The following TP63 variants were observed in gnomAD, a reference collection of about 807,000 sequenced individuals.
TP63 encodes the protein tumor protein p63, also known as tumor protein 63.
Under a neutral mutation model 82.8 loss-of-function variants are expected in TP63, and 17 were observed. The ratio of observed to expected loss-of-function variants is 0.21; its 90% CI spans 0.14 to 0.31. TP63 has a LOEUF of 0.31. TP63 is among the 10% of genes least tolerant of loss of function. TP63 has a pLI of 1.00. For synonymous variants in TP63, 330 were observed against 321.7 expected, an observed-to-expected ratio of 1.03 and a Z score of -0.28; for missense variants, 648 against 895.3, an observed-to-expected ratio of 0.72 and a Z score of 3.52.
intron 1 of TP63, among the ~76,000 whole-genome samples, chr3:189,733,480 T>C (rs988409455): frequency 1.3e-5 from 2 of 152,240 alleles, no homozygotes; most frequent in African/African-American, 2.4e-5. Flanking sequence ...GATGTTTACC[T>C]TCTAGTGCTC....
At chr3:189,791,112 G>T (rs1725093174) in intron 3 of TP63, among the ~76,000 whole-genome samples, 1 of 152,108 alleles carries the variant, frequency 6.6e-6, no homozygotes. Flanking sequence ...TTTTTAAATA[G>T]GATTAGCTTT....
chr3:189,784,213 T>TATC (rs1724429776), intron 3 of TP63, among the ~76,000 whole-genome samples: 1 of 152,100 alleles, frequency 6.6e-6, no homozygotes, highest in Non-Finnish European at 1.5e-5. Context: ...TACCTTTGTA[T>TATC]ATCTATTTAC....
chr3:189,756,776 A>G (rs948882605), intron 3 of TP63, among the ~76,000 whole-genome samples: 2 of 152,166 alleles, frequency 1.3e-5, no homozygotes, highest in Non-Finnish European at 2.9e-5. Flanking sequence ...TGATAGCCCC[A>G]GGGAAATAGT....
intron 4 of TP63, among the ~76,000 whole-genome samples, chr3:189,815,955 A>G (rs1021019086): frequency 1.3e-5 from 2 of 152,140 alleles, no homozygotes; most frequent in Admixed American, 6.5e-5. Context: ...TCATTTTTAT[A>G]TCATTTTATA....
At chr3:189,893,883 G>A (rs1331029946) in intron 13 of TP63, among the ~76,000 whole-genome samples, 1 of 152,016 alleles carries the variant, frequency 6.6e-6, no homozygotes, top group Non-Finnish European at 1.5e-5. Context: ...GTAAATTCAA[G>A]CATAAGTAGG....
intron 3 of TP63, among the ~76,000 whole-genome samples, chr3:189,806,475 A>C (rs1726921006): frequency 6.6e-6 from 1 of 152,250 alleles, no homozygotes; most frequent in African/African-American, 2.4e-5. Flanking sequence ...ATATCTTTTC[A>C]ATCCCCTTCC....
intron 10 of TP63, among the ~76,000 whole-genome samples, chr3:189,884,394 C>A (rs772958557): frequency 1.1e-4 from 17 of 152,314 alleles, no homozygotes; most frequent in Middle Eastern, 6.8e-3. Context: ...GTCCCCATAA[C>A]CTAGAAAAAA....
intron 3 of TP63, among the ~76,000 whole-genome samples, chr3:189,745,568 G>A (rs947346528): frequency 2.0e-4 from 31 of 151,652 alleles, no homozygotes; most frequent in African/African-American, 6.8e-4. Context: ...TTAGCTGGGC[G>A]TGATGGCGCA....
intron 4 of TP63, among the ~76,000 whole-genome samples, chr3:189,813,701 C>CA (rs1453784151): frequency 6.6e-6 from 1 of 151,890 alleles, no homozygotes; most frequent in African/African-American, 2.4e-5. Flanking sequence ...TTTCTCCTGT[C>CA]ATTGACCTCA....
chr3:189,633,190 A>G (rs185022212), intron 1 of TP63, among the ~76,000 whole-genome samples: 1 of 152,196 alleles, frequency 6.6e-6, no homozygotes, highest in Admixed American at 6.6e-5. Context: ...TTTTTGACAT[A>G]CTGTAATATT....
chr3:189,615,613 C>T, the TP63 span, among the ~76,000 whole-genome samples: 1 of 152,292 alleles, frequency 6.6e-6, no homozygotes, highest in African/African-American at 2.4e-5. Flanking sequence ...AGTTTCCACT[C>T]CCATATGTCC....
At chr3:189,777,196 T>C (rs1015998751) in intron 3 of TP63, among the ~76,000 whole-genome samples, 1 of 151,946 alleles carries the variant, frequency 6.6e-6, no homozygotes, top group Non-Finnish European at 1.5e-5. Flanking sequence ...TTTTTTTATG[T>C]TTATTTTTAT....
chr3:189,749,120 A>G (rs1721604193), intron 3 of TP63, among the ~76,000 whole-genome samples: 1 of 152,096 alleles, frequency 6.6e-6, no homozygotes, highest in South Asian at 2.1e-4. Flanking sequence ...CTAGGCAGAG[A>G]TTTTTATGGC....
chr3:189,644,565 G>A (rs1446765387), intron 1 of TP63, among the ~76,000 whole-genome samples: 2 of 152,058 alleles, frequency 1.3e-5, no homozygotes, highest in African/African-American at 4.8e-5. Context: ...GGGGAACGTG[G>A]TTTTTGGTTA....
intron 9 of TP63, among the ~76,000 whole-genome samples, chr3:189,872,163 G>T (rs1718501547): frequency 6.6e-6 from 1 of 152,130 alleles, no homozygotes; most frequent in South Asian, 2.1e-4. Context: ...TTAGTTTTAT[G>T]AAGGTGTTGC....
At chr3:189,675,970 T>C (rs1433746682) in intron 1 of TP63, among the ~76,000 whole-genome samples, 4 of 152,150 alleles carry the variant, frequency 2.6e-5, no homozygotes, top group Non-Finnish European at 5.9e-5. Context: ...AAAAGAACCG[T>C]GAACCCTTTG....
chr3:189,857,684 C>A (rs767572724), intron 4 of TP63, among the ~76,000 whole-genome samples: 1 of 152,056 alleles, frequency 6.6e-6, no homozygotes, highest in Non-Finnish European at 1.5e-5. Flanking sequence ...GCCAAAATAA[C>A]CCAATTAAAA....
At chr3:189,617,001 A>C in the TP63 span, among the ~76,000 whole-genome samples, 1 of 152,162 alleles carries the variant, frequency 6.6e-6, no homozygotes, top group Non-Finnish European at 1.5e-5. Flanking sequence ...AAAAATAACT[A>C]TCAGGCTTTC....
intron 1 of TP63, among the ~76,000 whole-genome samples, chr3:189,672,684 G>GGAAA (rs1715022122): frequency 6.9e-6 from 1 of 145,206 alleles, no homozygotes. Context: ...AAGGAAGGAA[G>GGAAA]GAAGGAAGGA....
Sources: allele counts gnomAD v4.1 joint callset (sites outside exome capture counted in the v4.1 genomes callset), GRCh38; gene constraint gnomAD v4.1.1; transcripts MANE v1.5; gene names NCBI Gene and HGNC (gene_info 2026-07-23, HGNC 2026-07-21).